GALNT17: variants seen among roughly 807,000 people sequenced by gnomAD.
The protein encoded by GALNT17 is UDP-GalNAc:polypeptide N-acetylgalactosaminyltransferase-like 3.
Under a neutral mutation model 63.7 loss-of-function variants are expected in GALNT17, and 29 were observed. That is an observed-to-expected ratio of 0.46 (90% confidence interval 0.34 to 0.62). The LOEUF (loss-of-function observed/expected upper bound fraction) is 0.62, where lower values mean the gene tolerates loss of function less well. GALNT17 is among the 20% of genes least tolerant of loss of function. GALNT17 has a pLI of 0.01. For synonymous variants in GALNT17, 305 were observed against 318.3 expected, an observed-to-expected ratio of 0.96 and a Z score of 0.45; for missense variants, 603 against 799.6, an observed-to-expected ratio of 0.75 and a Z score of 2.97.
At chr7:71,591,340 G>GCCA (rs577062288) in intron 6 of GALNT17, among the ~76,000 whole-genome samples, 41 of 152,184 alleles carry the variant, frequency 2.7e-4, no homozygotes, top group African/African-American at 9.6e-4. Flanking sequence ...ACAGGCGTGA[G>GCCA]CCACCACCAC....
intron 1 of GALNT17, among the ~76,000 whole-genome samples, chr7:71,151,043 C>T (rs947295313): frequency 6.6e-6 from 1 of 151,364 alleles, no homozygotes; most frequent in East Asian, 1.9e-4. Context: ...GAGTACTGTG[C>T]TGTCCAGCCA....
At chr7:71,138,599 C>T (rs1053360431) in intron 1 of GALNT17, among the ~76,000 whole-genome samples, 3 of 152,056 alleles carry the variant, frequency 2.0e-5, no homozygotes, top group Non-Finnish European at 4.4e-5. Context: ...TATGGAAAAT[C>T]TAAAACAATT....
chr7:71,493,586 C>G (rs6971302), intron 5 of GALNT17, among the ~76,000 whole-genome samples: 25 of 152,248 alleles, frequency 1.6e-4, no homozygotes, highest in African/African-American at 6.0e-4. Flanking sequence ...ACCATCAGAT[C>G]TTGTGAGACT....
At chr7:71,488,866 G>A (rs1387925521) in intron 5 of GALNT17, among the ~76,000 whole-genome samples, 1 of 139,468 alleles carries the variant, frequency 7.2e-6, no homozygotes, top group Non-Finnish European at 1.5e-5. Flanking sequence ...ACAGGCATGA[G>A]CCACCGCGCC....
At chr7:71,139,830 TA>T (rs767212540) in intron 1 of GALNT17, among the ~76,000 whole-genome samples, 8 of 151,986 alleles carry the variant, frequency 5.3e-5, no homozygotes, top group Non-Finnish European at 8.8e-5. Context: ...CCGTCTCTAC[TA>T]AAAATACAAA....
chr7:71,457,095 T>C (rs1330531695), intron 5 of GALNT17, among the ~76,000 whole-genome samples: 2 of 152,186 alleles, frequency 1.3e-5, no homozygotes, highest in African/African-American at 4.8e-5. Context: ...CAATCAGATA[T>C]GAATTTGTCT....
Position 71,235,262 on chromosome 7 carries a change from A to G in GALNT17, c.239-100288A>G, listed in dbSNP as rs555345107. 5.9e-5 allele frequency among the ~76,000 whole-genome samples: 9 copies of G among 152,038 alleles called. 1 individual carries two copies. The East Asian group carries it at 1.7e-3, about 30-fold the overall frequency. ...CAACACTCCATCTCGGAAAAAAAAA[A>G]AAAAAATTTGGTCTGTTCGTTTTAG... On this transcript the variant is annotated intron_variant, in intron 1 of 10. Transcript: ENST00000333538.
At chr7:71,199,640 C>T (rs1433791042) in intron 1 of GALNT17, among the ~76,000 whole-genome samples, 1 of 135,402 alleles carries the variant, frequency 7.4e-6, no homozygotes, top group African/African-American at 2.8e-5. Flanking sequence ...ACCCCATCCA[C>T]CGACCCACCC....
intron 1 of GALNT17, among the ~76,000 whole-genome samples, chr7:71,271,098 G>A (rs557086564): frequency 2.0e-5 from 3 of 152,184 alleles, no homozygotes; most frequent in Non-Finnish European, 4.4e-5. Context: ...AAAGCAAGCT[G>A]ACAAAAGCAT....
chr7:71,215,965 A>G (rs1178685653), intron 1 of GALNT17, among the ~76,000 whole-genome samples: 1 of 152,104 alleles, frequency 6.6e-6, no homozygotes, highest in East Asian at 1.9e-4. Context: ...TAGAGAGCTG[A>G]TGTCAGGCTG....
At chr7:71,387,752 G>A (rs1792973187) in intron 2 of GALNT17, among the ~76,000 whole-genome samples, 1 of 152,116 alleles carries the variant, frequency 6.6e-6, no homozygotes, top group South Asian at 2.1e-4. Context: ...GAAGCTCAGG[G>A]CACAGGTAGG....
intron 6 of GALNT17, among the ~76,000 whole-genome samples, chr7:71,606,466 T>A (rs1023759323): frequency 6.6e-6 from 1 of 152,174 alleles, no homozygotes; most frequent in African/African-American, 2.4e-5. Flanking sequence ...ATCTTCCATC[T>A]GAGTGAGTTC....
At chr7:71,171,783 G>A (rs1788551783) in intron 1 of GALNT17, among the ~76,000 whole-genome samples, 1 of 152,212 alleles carries the variant, frequency 6.6e-6, no homozygotes, top group African/African-American at 2.4e-5. Context: ...TGGGCTTGGT[G>A]ATAGCTTTTC....
chr7:71,359,928 G>A (rs948442875), intron 2 of GALNT17, among the ~76,000 whole-genome samples: 3 of 152,154 alleles, frequency 2.0e-5, no homozygotes, highest in Non-Finnish European at 4.4e-5. Flanking sequence ...AACCAGATGA[G>A]ATGTGGTCTC....
intron 1 of GALNT17, among the ~76,000 whole-genome samples, chr7:71,262,838 G>C (rs1310331169): frequency 6.6e-6 from 1 of 151,632 alleles, no homozygotes; most frequent in African/African-American, 2.4e-5. Context: ...GAGCCACCAA[G>C]CCCAGCTAAT....
At chr7:71,199,677 CCA>C (rs1789129131) in intron 1 of GALNT17, among the ~76,000 whole-genome samples, 1 of 10,096 alleles carries the variant, frequency 9.9e-5, no homozygotes, top group African/African-American at 2.9e-4. Flanking sequence ...TTCCACCCAT[CCA>C]TCCATCCATC....
chr7:71,630,053 A>G (rs1790433075), intron 6 of GALNT17, among the ~76,000 whole-genome samples: 1 of 151,990 alleles, frequency 6.6e-6, no homozygotes, highest in Non-Finnish European at 1.5e-5. Flanking sequence ...CCTGCCAGAT[A>G]GACACAGGAC....
intron 9 of GALNT17, among the ~76,000 whole-genome samples, chr7:71,694,576 A>G (rs1791512218): frequency 2.0e-5 from 3 of 152,126 alleles, no homozygotes; most frequent in Non-Finnish European, 4.4e-5. Context: ...TCGTATTTTT[A>G]GTAGAGACGG....
intron 2 of GALNT17, among the ~76,000 whole-genome samples, chr7:71,365,711 T>A (rs889593893): frequency 6.6e-6 from 1 of 152,074 alleles, no homozygotes; most frequent in African/African-American, 2.4e-5. Flanking sequence ...AAATGACAGT[T>A]GAATATGTTA....
Sources: gnomAD v4.1 joint callset for allele counts (sites outside exome capture counted in the v4.1 genomes callset) on GRCh38, gnomAD v4.1.1 for gene constraint, MANE v1.5 for transcripts, NCBI Gene and HGNC (gene_info 2026-07-23, HGNC 2026-07-21) for gene names.